SH3PXD2A: variants seen among roughly 807,000 people sequenced by gnomAD.
SH3PXD2A encodes the protein SH3 and PX domain-containing protein 2A.
SH3PXD2A carries 32 observed loss-of-function variants against 115.2 expected under a neutral mutation model. That is an observed-to-expected ratio of 0.28 (90% CI 0.21 to 0.37). SH3PXD2A has a LOEUF of 0.37. SH3PXD2A is among the 10% of genes least tolerant of loss of function. The probability of loss-of-function intolerance (pLI) is 1.00; values close to 1 mark genes in which losing one functional copy is unlikely to be tolerated. For synonymous variants in SH3PXD2A, 610 were observed against 629.1 expected, an observed-to-expected ratio of 0.97 and a Z score of 0.45; for missense variants, 1,328 against 1,498.7, an observed-to-expected ratio of 0.89 and a Z score of 1.88.
intron 7 of SH3PXD2A, among the ~76,000 whole-genome samples, chr10:103,667,567 T>C (rs2037399992): frequency 2.0e-5 from 3 of 152,180 alleles, no homozygotes; most frequent in Non-Finnish European, 1.5e-5. Context: ...TCCGACCCAC[T>C]GCCTTCTCTT....
At chr10:103,628,373 A>G (rs540758160) in intron 8 of SH3PXD2A, among the ~76,000 whole-genome samples, 6 of 151,208 alleles carry the variant, frequency 4.0e-5, no homozygotes, top group African/African-American at 1.2e-4. Flanking sequence ...GAGTTCCACA[A>G]CCCTCTGCTT....
At position 103,639,888 on chromosome 10, in the gene SH3PXD2A, G is replaced by A. The variant is rs900339719; in HGVS notation, c.605-12686C>T. ...GAAGAGTGGCAGTCAGGGAAGGAGA[G>A]TGGGGCGGGAAGGGGTGGCCTGCTA... On this transcript the variant is annotated intron_variant, in intron 8 of 14. Coordinates refer to ENST00000369774, the MANE Select transcript of SH3PXD2A (RefSeq NM_001394015.1). Among the ~76,000 whole-genome samples, 15 of 152,320 alleles carry A rather than the reference G, an allele frequency of 9.8e-5. 1 individual carries two copies. The highest frequency in any genetic ancestry group is 3.4e-4 in the African/African-American group (14 of 41,578).
intron 8 of SH3PXD2A, among the ~76,000 whole-genome samples, chr10:103,632,987 C>T (rs1290293206): frequency 6.6e-6 from 1 of 151,004 alleles, no homozygotes; most frequent in African/African-American, 2.4e-5. Flanking sequence ...ACAAAAAGAA[C>T]AAACCTCCCC....
chr10:103,681,758 C>A (rs1330349184), intron 6 of SH3PXD2A, among the ~76,000 whole-genome samples: 21 of 147,652 alleles, frequency 1.4e-4, no homozygotes, highest in African/African-American at 5.4e-4. Context: ...ACACACGCGC[C>A]CGCGCGCGCG....
intron 5 of SH3PXD2A, among the ~76,000 whole-genome samples, chr10:103,723,453 T>C (rs78679270): frequency 1.7e-3 from 257 of 152,320 alleles, no homozygotes; most frequent in African/African-American, 5.9e-3. Flanking sequence ...CAAGAGAGCA[T>C]GGCCATCTGG....
At chr10:103,691,835 C>T (rs2037755677) in intron 6 of SH3PXD2A, among the ~76,000 whole-genome samples, 1 of 152,114 alleles carries the variant, frequency 6.6e-6, no homozygotes, top group Non-Finnish European at 1.5e-5. Context: ...TGCACAGAAC[C>T]CCACAGCCAC....
At chr10:103,797,315 C>T (rs7919263) in intron 2 of SH3PXD2A, among the ~76,000 whole-genome samples, 39,392 of 151,984 alleles carry the variant, frequency 0.26, 5,540 homozygotes, top group East Asian at 0.51. Context: ...GGGAAGGGGA[C>T]GCTGAGATAA....
At chr10:103,773,889 C>T (rs544487310) in intron 2 of SH3PXD2A, among the ~76,000 whole-genome samples, 15 of 152,282 alleles carry the variant, frequency 9.9e-5, no homozygotes, top group African/African-American at 3.4e-4. Context: ...CAGGTGTGCA[C>T]CACCCAGTTA....
chr10:103,761,195 T>C (rs1202326188), intron 3 of SH3PXD2A, among the ~76,000 whole-genome samples: 1 of 152,184 alleles, frequency 6.6e-6, no homozygotes, highest in Non-Finnish European at 1.5e-5. Flanking sequence ...GTTGTGCCAA[T>C]ATTAATTTCC....
At chr10:103,795,873 G>GGAGGGAGA (rs201147085) in intron 2 of SH3PXD2A, among the ~76,000 whole-genome samples, 1,501 of 149,866 alleles carry the variant, frequency 0.01, 27 homozygotes, top group African/African-American at 0.035. Flanking sequence ...AAGAAGGAAG[G>GGAGGGAGA]GAGGGAGAGA....
intron 1 of SH3PXD2A, among the ~76,000 whole-genome samples, chr10:103,811,682 T>G (rs1313567018): frequency 6.6e-6 from 1 of 152,208 alleles, no homozygotes; most frequent in South Asian, 2.1e-4. Context: ...CAATTAGCTC[T>G]GTCAGTTGGT....
At chr10:103,741,314 G>A (rs893540206) in intron 3 of SH3PXD2A, among the ~76,000 whole-genome samples, 2 of 152,228 alleles carry the variant, frequency 1.3e-5, no homozygotes, top group African/African-American at 4.8e-5. Flanking sequence ...CCTTGGGCCT[G>A]CCTACTTAAC....
At chr10:103,830,929 T>A (rs1267316255) in intron 1 of SH3PXD2A, among the ~76,000 whole-genome samples, 5 of 152,150 alleles carry the variant, frequency 3.3e-5, no homozygotes, top group Admixed American at 6.5e-5. Context: ...ATGGTGAGAA[T>A]ACGCAATAAA....
chr10:103,607,481 G>C (rs1458499682), intron 13 of SH3PXD2A, among the ~76,000 whole-genome samples: 1 of 151,866 alleles, frequency 6.6e-6, no homozygotes, highest in African/African-American at 2.4e-5. Flanking sequence ...CTACTGGGAG[G>C]TGAGGAGCCC....
intron 1 of SH3PXD2A, among the ~76,000 whole-genome samples, chr10:103,853,473 G>C (rs1444904722): frequency 6.6e-6 from 1 of 152,202 alleles, no homozygotes; most frequent in East Asian, 1.9e-4. Context: ...GTAAACTGAG[G>C]CTGGGGGAGG....
Position 103,692,954 on chromosome 10 carries a change from T to G in SH3PXD2A, c.427+74A>C, listed in dbSNP as rs574583054. On this transcript the variant is annotated intron_variant, in intron 6 of 14. Coordinates refer to ENST00000369774, the MANE Select transcript of SH3PXD2A (RefSeq NM_001394015.1). ...CCCCCTCCCCGCCCCCAAGAAGTCC[T>G]CTGCAGGATCGGAGGGGCGCGTGCA... 2.2e-3 allele frequency: 1,633 copies of G among 738,512 alleles called. 22 individuals carry two copies. Among genetic ancestry groups the G allele is most frequent in the South Asian group, 0.015 (1,126 of 73,390 alleles). 45.7% of individuals were successfully genotyped at this position (738,512 alleles called of 1,614,324 possible).
chr10:103,839,049 T>C (rs934122060), intron 1 of SH3PXD2A, among the ~76,000 whole-genome samples: 5 of 152,170 alleles, frequency 3.3e-5, no homozygotes, highest in Admixed American at 6.5e-5. Flanking sequence ...TCAGCACAGA[T>C]AAATGGTCAA....
intron 3 of SH3PXD2A, among the ~76,000 whole-genome samples, chr10:103,749,631 A>T (rs1470493445): frequency 6.6e-6 from 1 of 152,232 alleles, no homozygotes. Flanking sequence ...GTCAGCCTCC[A>T]AGATGGCCCC....
At chr10:103,854,549 G>A (rs1842923077) in intron 1 of SH3PXD2A, among the ~76,000 whole-genome samples, 2 of 152,156 alleles carry the variant, frequency 1.3e-5, no homozygotes, top group Non-Finnish European at 2.9e-5. Flanking sequence ...TGGAGATGGA[G>A]CATCACTTAA....
Sources: gnomAD v4.1 joint callset for allele counts (sites outside exome capture counted in the v4.1 genomes callset) on GRCh38, gnomAD v4.1.1 for gene constraint, MANE v1.5 for transcripts, NCBI Gene and HGNC (gene_info 2026-07-23, HGNC 2026-07-21) for gene names.